Variants in PDE4D observed in about 807,000 individuals in gnomAD.
The protein encoded by PDE4D is phosphodiesterase 4D, also known as 3',5'-cyclic-AMP phosphodiesterase 4D.
PDE4D carries 24 observed loss-of-function variants against 87.4 expected under a neutral mutation model. The observed-to-expected ratio is 0.27, with a 90% CI of 0.20 to 0.39. The LOEUF is 0.39. Ranked by LOEUF, PDE4D falls within the 10% of genes least tolerant of loss-of-function variation. The pLI is 1.00. For synonymous variants in PDE4D, 384 were observed against 383.2 expected, an observed-to-expected ratio of 1.00 and a Z score of -0.02; for missense variants, 714 against 1,041.0, an observed-to-expected ratio of 0.69 and a Z score of 4.32.
At chr5:60,285,309 T>A (rs1752314474) in intron 1 of PDE4D, among the ~76,000 whole-genome samples, 1 of 147,534 alleles carries the variant, frequency 6.8e-6, no homozygotes, top group Non-Finnish European at 1.5e-5. Context: ...AGAATAGCTG[T>A]CTAGAATGTC....
At chr5:59,435,414 A>G (rs1044202315) in intron 1 of PDE4D, among the ~76,000 whole-genome samples, 3 of 152,160 alleles carry the variant, frequency 2.0e-5, no homozygotes, top group African/African-American at 7.2e-5. Context: ...TCCTGTACAC[A>G]GTCTGTTCTT....
chr5:60,065,075 C>T (rs1189768372), intron 2 of PDE4D, among the ~76,000 whole-genome samples: 2 of 152,104 alleles, frequency 1.3e-5, no homozygotes, highest in Non-Finnish European at 2.9e-5. Flanking sequence ...CATTGCATTG[C>T]TATTCTTGGG....
In PDE4D at chr5:58,970,615, C is replaced by G. The variant is rs2153289336; in HGVS notation, c.*4049G>C. On this transcript the variant is annotated 3_prime_UTR_variant, in exon 15 of 15. Transcript: ENST00000340635. Reference sequence around the variant, plus strand: ...GAATGCTTTCTGCTATGTAAACTGACATCAACCCACCTTTGCGTTTAAATA... The same window carrying G: ...GAATGCTTTCTGCTATGTAAACTGAGATCAACCCACCTTTGCGTTTAAATA... 1 of 152,300 alleles carries G rather than the reference C, an allele frequency of 6.6e-6. No individual in the cohort carries two copies. The allele number at this position is 152,300 out of a possible 1,614,324, so 9.4% of individuals were successfully genotyped here.
intron 5 of PDE4D, among the ~76,000 whole-genome samples, chr5:59,084,527 G>GT (rs1767328863): frequency 3.5e-5 from 3 of 84,952 alleles, no homozygotes; most frequent in South Asian, 3.7e-4. Flanking sequence ...TGAATAAATG[G>GT]CAAAAAAGTG....
At chr5:60,139,221 T>A (rs1470914154) in intron 2 of PDE4D, among the ~76,000 whole-genome samples, 2 of 152,120 alleles carry the variant, frequency 1.3e-5, no homozygotes, top group Non-Finnish European at 2.9e-5. Flanking sequence ...CTAAATAGAC[T>A]AATTCATTCA....
intron 1 of PDE4D, among the ~76,000 whole-genome samples, chr5:59,809,108 T>G (rs1250446243): frequency 1.3e-5 from 2 of 152,234 alleles, no homozygotes; most frequent in Non-Finnish European, 2.9e-5. Context: ...GTGCTTTAAA[T>G]TTAAGTACCG....
chr5:60,114,819 T>A (rs1777990478), intron 2 of PDE4D, among the ~76,000 whole-genome samples: 1 of 152,072 alleles, frequency 6.6e-6, no homozygotes, highest in Non-Finnish European at 1.5e-5. Context: ...TACTTCAGGC[T>A]GATAAAGACA....
chr5:59,644,312 T>A (rs1019589197), intron 1 of PDE4D, among the ~76,000 whole-genome samples: 5 of 152,196 alleles, frequency 3.3e-5, no homozygotes, highest in Non-Finnish European at 7.3e-5. Context: ...AGTAATGGAT[T>A]ATTGATCTAC....
At chr5:60,312,451 G>A (rs1755135077) in intron 1 of PDE4D, among the ~76,000 whole-genome samples, 3 of 152,188 alleles carry the variant, frequency 2.0e-5, no homozygotes, top group African/African-American at 7.2e-5. Context: ...AAGGAAGAAA[G>A]TTTCATTGAC....
At chr5:59,121,944 C>A (rs565435351) in intron 5 of PDE4D, among the ~76,000 whole-genome samples, 41 of 152,118 alleles carry the variant, frequency 2.7e-4, no homozygotes, top group African/African-American at 7.7e-4. Flanking sequence ...GAGATCCAGA[C>A]CAGCCTGGCC....
intron 1 of PDE4D, among the ~76,000 whole-genome samples, chr5:60,386,365 T>C (rs543327768): frequency 2.0e-5 from 3 of 152,216 alleles, no homozygotes; most frequent in Non-Finnish European, 4.4e-5. Flanking sequence ...TAAATCCTTA[T>C]GGATTTAATA....
intron 1 of PDE4D, among the ~76,000 whole-genome samples, chr5:59,383,569 G>T (rs1429691012): frequency 2.0e-5 from 3 of 152,028 alleles, no homozygotes; most frequent in African/African-American, 7.2e-5. Flanking sequence ...GAGTCTCTCT[G>T]TCCCTACCAC....
intron 1 of PDE4D, among the ~76,000 whole-genome samples, chr5:59,571,740 T>C (rs1821881046): frequency 6.6e-6 from 1 of 152,204 alleles, no homozygotes; most frequent in Admixed American, 6.5e-5. Flanking sequence ...TGAGCCTTTA[T>C]ATCCTGTATT....
chr5:59,389,963 T>G lies in PDE4D; in HGVS notation c.456-173995A>C, dbSNP rs1296158362. On this transcript the variant is annotated intron_variant, in intron 1 of 14. Transcript: ENST00000340635. Reference sequence around the variant, plus strand: ...AAAGGTGACTATAGCTAACAATAATTTATTGTATATTTCAAAATATCTGGA... The same window carrying G: ...AAAGGTGACTATAGCTAACAATAATGTATTGTATATTTCAAAATATCTGGA... 2.0e-5 allele frequency among the ~76,000 whole-genome samples: 3 copies of G among 152,126 alleles called. No homozygotes were observed. The East Asian group carries it at 5.8e-4, about 29-fold the overall frequency.
intron 1 of PDE4D, among the ~76,000 whole-genome samples, chr5:59,280,430 C>T (rs889629686): frequency 6.6e-6 from 1 of 151,990 alleles, no homozygotes; most frequent in Non-Finnish European, 1.5e-5. Flanking sequence ...AATTGACTTT[C>T]AGAATTTTGC....
At chr5:59,401,060 C>A (rs1043042163) in intron 1 of PDE4D, among the ~76,000 whole-genome samples, 21 of 152,206 alleles carry the variant, frequency 1.4e-4, no homozygotes, top group African/African-American at 4.6e-4. Context: ...TCAGTGTACA[C>A]AAACTTTGTT....
In PDE4D at chr5:60,471,740, T is replaced by A. The variant is rs576897070; in HGVS notation, c.-90+16202A>T. Among the ~76,000 whole-genome samples, 17 of 152,304 alleles carry A rather than the reference T, an allele frequency of 1.1e-4. No individual in the cohort carries two copies. In the South Asian group the frequency reaches 3.1e-3, roughly 28 times the overall value. On this transcript the variant is annotated intron_variant, in intron 1 of 16. Coordinates refer to the PDE4D transcript ENST00000502484. ...TTTTAAATTAAGGTATGTACTTTTT[T>A]TAGATATAATGCTATTTGCACACTT...
intron 5 of PDE4D, among the ~76,000 whole-genome samples, chr5:59,170,961 A>G (rs1782664230): frequency 6.7e-6 from 1 of 149,626 alleles, no homozygotes; most frequent in Non-Finnish European, 1.5e-5. Context: ...GGCTCACTGT[A>G]ACCTCTGCCT....
chr5:60,256,336 T>C (rs1376745350), intron 1 of PDE4D, among the ~76,000 whole-genome samples: 1 of 151,994 alleles, frequency 6.6e-6, no homozygotes, highest in East Asian at 1.9e-4. Flanking sequence ...GGTTTTAAAA[T>C]ATCTTTAAAA....
Sources: allele counts gnomAD v4.1 joint callset (sites outside exome capture counted in the v4.1 genomes callset), GRCh38; gene constraint gnomAD v4.1.1; transcripts MANE v1.5; gene names NCBI Gene and HGNC (gene_info 2026-07-23, HGNC 2026-07-21).